Variants in SPATA6L observed in about 807,000 individuals in gnomAD.
SPATA6L encodes spermatogenesis associated 6 like.
A neutral mutation model predicts 49.2 loss-of-function variants in SPATA6L; 68 were observed. That is an observed-to-expected ratio of 1.38 (90% CI 1.14 to 1.69). The LOEUF (loss-of-function observed/expected upper bound fraction) is 1.69. SPATA6L is among the 40% of genes most tolerant of loss of function. SPATA6L has a pLI of 0.00. For missense variants in SPATA6L, 668 were observed against 464.3 expected (o/e 1.44, Z -4.03); for synonymous variants, 198 against 165.7 (o/e 1.19, Z -1.50).
At chr9:4,644,784 T>C (rs945342687) in intron 3 of SPATA6L, among the ~76,000 whole-genome samples, 2 of 151,790 alleles carry the variant, frequency 1.3e-5, no homozygotes, top group Non-Finnish European at 2.9e-5. Context: ...TTTATGAGAA[T>C]TGGTGCCACT....
At chr9:4,654,827 G>A (rs1361844620) in intron 3 of SPATA6L, among the ~76,000 whole-genome samples, 1 of 152,052 alleles carries the variant, frequency 6.6e-6, no homozygotes, top group East Asian at 1.9e-4. Context: ...CAGGATGGGG[G>A]CATGGTGGGC....
chr9:4,641,090 T>A (rs1267256853), intron 3 of SPATA6L, among the ~76,000 whole-genome samples: 1 of 152,226 alleles, frequency 6.6e-6, no homozygotes, highest in Admixed American at 6.5e-5. Context: ...TGAAAATACA[T>A]ATTCTGCAAC....
intron 2 of SPATA6L, among the ~76,000 whole-genome samples, chr9:4,659,521 A>T (rs1839111575): frequency 6.6e-6 from 1 of 152,094 alleles, no homozygotes; most frequent in African/African-American, 2.4e-5. Flanking sequence ...TCAACAAAAT[A>T]AAAAAGAGGA....
chr9:4,653,637 G>A (rs1837418636), intron 3 of SPATA6L, among the ~76,000 whole-genome samples: 1 of 152,056 alleles, frequency 6.6e-6, no homozygotes, highest in South Asian at 2.1e-4. Flanking sequence ...GATATATAAA[G>A]AACATTTACA....
Position 4,598,327 on chromosome 9 carries a change from A to G in SPATA6L, c.*2484T>C, listed in dbSNP as rs1822483884. Among the ~76,000 whole-genome samples the G allele has an allele frequency of 6.6e-6, 1 of 152,238 alleles. No homozygotes were observed. Among genetic ancestry groups the G allele is most frequent in the African/African-American group, 2.4e-5 (1 of 41,466 alleles). ...AAGACAGATGGGAATTCTTTTTATG[A>G]TGTTTAATGACACAGATCTTCCCAA... On this transcript the variant is annotated 3_prime_UTR_variant, in exon 12 of 12. Transcript: ENST00000682582.
At chr9:4,604,955 A>G (rs1330072958) in intron 10 of SPATA6L, among the ~76,000 whole-genome samples, 1 of 152,232 alleles carries the variant, frequency 6.6e-6, no homozygotes, top group Non-Finnish European at 1.5e-5. Flanking sequence ...TTGTGGCCTT[A>G]CATAGCTCAC....
intron 11 of SPATA6L, among the ~76,000 whole-genome samples, chr9:4,602,770 G>A (rs1161064794): frequency 6.6e-6 from 1 of 152,184 alleles, no homozygotes; most frequent in African/African-American, 2.4e-5. Context: ...GCAATAGAAT[G>A]TAGTGGTTAA....
At chr9:4,629,794 T>TATATATATATATATATAC (rs1448249817) in intron 4 of SPATA6L, among the ~76,000 whole-genome samples, 6 of 146,390 alleles carry the variant, frequency 4.1e-5, no homozygotes, top group African/African-American at 1.5e-4. Flanking sequence ...TATATATATA[T>TATATATATATATATATAC]ATATGCCCTA....
intron 2 of SPATA6L, among the ~76,000 whole-genome samples, chr9:4,657,725 T>C (rs1838623849): frequency 6.6e-6 from 1 of 152,166 alleles, no homozygotes; most frequent in African/African-American, 2.4e-5. Flanking sequence ...ATATTTAATT[T>C]GTTGGAGTGG....
rs777546834 is a variant in SPATA6L at position 4,662,344 on chromosome 9, G to T, written c.40-308C>A. On this transcript the variant is annotated intron_variant, in intron 1 of 11. Transcript: ENST00000682582. This position sits in a 1 kb window ranked among gnomAD's most constrained non-coding sequence, Gnocchi z 4.9. ...GGCCGGGAAGCCTCTGTTTGGTCCG[G>T]CCAGGTCCCGGGATCCGGGCCGCCA... is the stretch of plus-strand genomic sequence containing the variant. 9.5e-6 allele frequency: 14 copies of T among 1,477,686 alleles called. No homozygotes were observed. In the African/African-American group the frequency reaches 1.8e-4, roughly 19 times the overall value. 91.5% of individuals were successfully genotyped at this position (1,477,686 alleles called of 1,614,324 possible). A position where few individuals can be genotyped will look rare whatever the true frequency, so the allele number is the denominator to read the frequency against.
At chr9:4,632,219 T>G (rs913018892) in intron 4 of SPATA6L, among the ~76,000 whole-genome samples, 2 of 151,444 alleles carry the variant, frequency 1.3e-5, no homozygotes, top group Non-Finnish European at 2.9e-5. Context: ...GAGGTTTCAC[T>G]GTGCTGGCCA....
At chr9:4,640,567 G>GA (rs61080804) in intron 3 of SPATA6L, among the ~76,000 whole-genome samples, 26 of 145,902 alleles carry the variant, frequency 1.8e-4, no homozygotes, top group Admixed American at 2.0e-4. Context: ...GAAACTTTAA[G>GA]AAAAAAAAAA....
intron 2 of SPATA6L, among the ~76,000 whole-genome samples, chr9:4,657,732 G>C (rs1369517847): frequency 6.6e-6 from 1 of 152,136 alleles, no homozygotes; most frequent in Non-Finnish European, 1.5e-5. Context: ...ATTTGTTGGA[G>C]TGGAAAGACC....
At chr9:4,651,169 ATTG>A (rs969623368) in intron 3 of SPATA6L, among the ~76,000 whole-genome samples, 5 of 151,772 alleles carry the variant, frequency 3.3e-5, no homozygotes, top group South Asian at 4.2e-4. Context: ...CACCCCACTA[ATTG>A]TTGTTGTTGT....
intron 9 of SPATA6L, among the ~76,000 whole-genome samples, chr9:4,609,839 AAAG>A (rs202122197): frequency 0.055 from 8,292 of 152,052 alleles, 357 homozygotes; most frequent in African/African-American, 0.097. Context: ...TCAATTGGGA[AAAG>A]AAGAAGTCAA....
At chr9:4,602,964 C>T (rs186720201) in intron 11 of SPATA6L, among the ~76,000 whole-genome samples, 1 of 152,068 alleles carries the variant, frequency 6.6e-6, no homozygotes, top group East Asian at 1.9e-4. Flanking sequence ...GCACTCAGGC[C>T]GCATGTCATA....
At chr9:4,625,611 A>T (rs781277626) in intron 5 of SPATA6L, 45 bp from the exon 6 acceptor site, 3 of 1,373,104 alleles carry the variant, frequency 2.2e-6, no homozygotes, top group Admixed American at 2.5e-5. Flanking sequence ...AAAGAAAGAA[A>T]AGAAGAAAAT....
chr9:4,604,400 A>G (rs1824192374), intron 10 of SPATA6L, 131 bp from the exon 11 acceptor site: 2 of 543,812 alleles, frequency 3.7e-6, no homozygotes, highest in Non-Finnish European at 6.5e-6. Context: ...TTCACTATAT[A>G]TGTGTGTATA....
intron 8 of SPATA6L, among the ~76,000 whole-genome samples, 161 bp downstream of exon 8, chr9:4,618,703 A>C (rs1056196243): frequency 1.3e-5 from 2 of 152,234 alleles, no homozygotes; most frequent in East Asian, 3.8e-4. Context: ...TAAGCAAAGT[A>C]TAACATGGAG....
Sources: gnomAD v4.1 joint callset for allele counts (sites outside exome capture counted in the v4.1 genomes callset) on GRCh38, gnomAD v4.1.1 for gene constraint, Gnocchi (gnomAD v3.1) non-coding constraint, MANE v1.5 for transcripts, NCBI Gene and HGNC (gene_info 2026-07-23, HGNC 2026-07-21) for gene names.